The following SLCO1B1 variants were observed in gnomAD, a reference collection of about 807,000 sequenced individuals.
SLCO1B1 encodes the protein solute carrier organic anion transporter family member 1B1.
A neutral mutation model predicts 70.1 loss-of-function variants in SLCO1B1; 81 were observed. The observed-to-expected ratio is 1.16, with a 90% confidence interval of 0.97 to 1.39. The LOEUF (loss-of-function observed/expected upper bound fraction) is 1.39. Ranked by LOEUF, SLCO1B1 falls within the 40% of genes most tolerant of loss-of-function variation. SLCO1B1 has a pLI of 0.00. For synonymous variants in SLCO1B1, 283 were observed against 271.5 expected, an observed-to-expected ratio of 1.04 and a Z score of -0.42; for missense variants, 895 against 799.6, an observed-to-expected ratio of 1.12 and a Z score of -1.44.
Position 21,222,429 on chromosome 12 carries a change from C to T in SLCO1B1, c.1747+65C>T, listed in dbSNP as rs4149077. Reference sequence around the variant, plus strand: ...ATATATATATATATATATATATATACACACACACATACATATATTAAATTT... The same window carrying T: ...ATATATATATATATATATATATATATACACACACATACATATATTAAATTT... On this transcript the variant is annotated intron_variant, in intron 13 of 14. Coordinates refer to ENST00000256958, the MANE Select transcript of SLCO1B1 (RefSeq NM_006446.5). The T allele has an allele frequency of 9.6e-3, 857 of 89,626 alleles. 6 individuals are homozygous for T. Among genetic ancestry groups the T allele is most frequent in the Middle Eastern group, 0.018 (3 of 168 alleles). The allele number at this position is 89,626 out of a possible 1,614,324, so 5.6% of individuals were successfully genotyped here.
rs776100739 is a variant in SLCO1B1, at chr12:21,200,501, T to G, written c.971-7T>G. The G allele has an allele frequency of 1.3e-6, 2 of 1,548,846 alleles. No homozygotes were observed. Among genetic ancestry groups the G allele is most frequent in the Non-Finnish European group, 1.7e-6 (2 of 1,144,696 alleles). On this transcript the variant is annotated splice_polypyrimidine_tract_variant and splice_region_variant and intron_variant, in intron 8 of 14. Transcript: ENST00000256958. The stretch of plus-strand genomic sequence containing the variant: ...CAAATATTTTCTTTATTTTTACAAT[T>G]TTACAGGTTTTTTCCAGTCTTTTAA...
chr12:21,176,546 A>G (rs888711271), intron 4 of SLCO1B1, among the ~76,000 whole-genome samples: 1 of 152,124 alleles, frequency 6.6e-6, no homozygotes, highest in African/African-American at 2.4e-5. Flanking sequence ...TAGCAAGGTG[A>G]TAACCCACTT....
Position 21,143,518 on chromosome 12 carries a change from C to A in SLCO1B1, c.84+1860C>A, listed in dbSNP as rs187770312. On this transcript the variant is annotated intron_variant, in intron 2 of 14. Coordinates refer to ENST00000256958, the MANE Select transcript of SLCO1B1 (RefSeq NM_006446.5). ...TGCCAGACATTGATTTAGTGTTTTA[C>A]TTTTGCTAACAGATTTTTTCCTTAC... Among the ~76,000 whole-genome samples, 5 of 152,092 alleles carry A rather than the reference C, an allele frequency of 3.3e-5. 1 individual carries two copies. The highest frequency in any genetic ancestry group is 2.0e-4 in the Admixed American group (3 of 15,258).
chr12:21,142,893 G>A (rs936454055), intron 2 of SLCO1B1, among the ~76,000 whole-genome samples: 3 of 152,050 alleles, frequency 2.0e-5, no homozygotes, highest in Admixed American at 2.0e-4. Context: ...GGGAGTTAGG[G>A]AATTAGCAGT....
At chr12:21,182,712 A>G (rs1940918170) in intron 7 of SLCO1B1, among the ~76,000 whole-genome samples, 2 of 152,150 alleles carry the variant, frequency 1.3e-5, no homozygotes, top group Non-Finnish European at 1.5e-5. Context: ...GAGGGGCCAG[A>G]CAGTGGAGAC....
intron 2 of SLCO1B1, among the ~76,000 whole-genome samples, chr12:21,146,949 AT>A (rs1202953442): frequency 6.6e-6 from 1 of 152,072 alleles, no homozygotes; most frequent in East Asian, 1.9e-4. Flanking sequence ...TTAATTGATG[AT>A]GTTGTTAAGG....
At chr12:21,195,933 G>A (rs1014289539) in intron 7 of SLCO1B1, among the ~76,000 whole-genome samples, 1 of 152,194 alleles carries the variant, frequency 6.6e-6, no homozygotes, top group African/African-American at 2.4e-5. Context: ...AGCTGGAGAT[G>A]CAGTTTTCTT....
intron 8 of SLCO1B1, among the ~76,000 whole-genome samples, chr12:21,199,088 T>C (rs1941128102): frequency 6.6e-6 from 1 of 152,104 alleles, no homozygotes; most frequent in African/African-American, 2.4e-5. Context: ...ATCTCTTCTT[T>C]TTTTCTTTTC....
chr12:21,194,418 T>G (rs144243619), intron 7 of SLCO1B1, among the ~76,000 whole-genome samples: 3 of 151,938 alleles, frequency 2.0e-5, no homozygotes, highest in African/African-American at 7.2e-5. Flanking sequence ...ATTATTATTA[T>G]TATTAATTTT....
rs375303284 is a variant in SLCO1B1 at position 21,135,270 on chromosome 12, A to G, written c.-62+4034A>G. ...TACTTCCAACTATGTGGTCAATTTC[A>G]GAGTAGGTGTGGTGTGGTGCTGAAA... On this transcript the variant is annotated intron_variant, in intron 1 of 14. Transcript: ENST00000256958. Among the ~76,000 whole-genome samples the G allele has an allele frequency of 2.6e-5, 4 of 152,100 alleles. No homozygotes were observed. In the East Asian group the frequency reaches 5.8e-4, roughly 22 times the overall value.
chr12:21,225,061 T>A (rs1039469488), intron 14 of SLCO1B1, among the ~76,000 whole-genome samples: 3 of 152,120 alleles, frequency 2.0e-5, no homozygotes, highest in Non-Finnish European at 4.4e-5. Context: ...ACGAAGAAAC[T>A]GTGATTCAAG....
At chr12:21,188,979 A>T (rs938032802) in intron 7 of SLCO1B1, among the ~76,000 whole-genome samples, 3 of 152,190 alleles carry the variant, frequency 2.0e-5, no homozygotes, top group Non-Finnish European at 4.4e-5. Context: ...ATTCCATTGT[A>T]TGTCTATACA....
Position 21,239,061 on chromosome 12 carries a change from A to C in SLCO1B1, c.1948A>C (p.Lys650Gln), listed in dbSNP as rs757938356. The change falls in exon 15 of 15, where the codon AAA becomes CAA. Residue 650 changes from lysine (K) to glutamine (Q), a missense_variant. Lys to Gln is a moderately conservative substitution (Grantham distance 53, BLOSUM62 1). Coordinates refer to ENST00000256958, the MANE Select transcript of SLCO1B1 (RefSeq NM_006446.5). ...TATATTAATTTATGCCATGAAGAAA[A>C]AATATCAAGAGAAAGATATCAATGC... Reference protein sequence around the residue: ...YIILIYAMKKKYQEKDINASE... With the variant: ...YIILIYAMKKQYQEKDINASE... 1 of 1,596,200 alleles carries C rather than the reference A, an allele frequency of 6.3e-7. No homozygotes were observed. The highest frequency in any genetic ancestry group is 1.7e-5 in the Admixed American group (1 of 59,882).
Position 21,176,782 on chromosome 12 carries a change from G to T in SLCO1B1, c.366G>T (p.Arg122Ser). ...TTCAGTGATGTTCTTACAGTTACAGGTATTCTAAAGAAACTAATATCAATT... is the reference window on the plus strand; with the variant it reads ...TTCAGTGATGTTCTTACAGTTACAGTTATTCTAAAGAAACTAATATCAATT... Reference protein sequence around the residue: ...ALPHFFMGYYRYSKETNINSS... With the variant: ...ALPHFFMGYYSYSKETNINSS... The change falls in exon 5 of 15, where the codon AGG becomes AGT. Residue 122 changes from arginine (R) to serine (S), a missense_variant. Transcript: ENST00000256958. 6.5e-7 allele frequency: 1 copy of T among 1,531,004 alleles called. No individual in the cohort carries two copies. The allele number at this position is 1,531,004 out of a possible 1,614,324, so 94.8% of individuals were successfully genotyped here. A position where few individuals can be genotyped will look rare whatever the true frequency, so the allele number is the denominator to read the frequency against.
At chr12:21,152,238 T>C (rs1441841375) in intron 2 of SLCO1B1, among the ~76,000 whole-genome samples, 2 of 151,980 alleles carry the variant, frequency 1.3e-5, no homozygotes, top group African/African-American at 4.8e-5. Flanking sequence ...TTTAATGAAA[T>C]TTTTATCTGT....
rs4149098 is a variant in SLCO1B1 at position 21,199,126 on chromosome 12, CCTT to C, written c.971-1381_971-1379del. On this transcript the variant is annotated intron_variant, in intron 8 of 14. Transcript: ENST00000256958. ...TTTCTTTTCTCTAACTCCTTCTACT[CCTT>C]ATTTCAAGCAGATGCAACTGTTTCG... 7.0e-4 allele frequency among the ~76,000 whole-genome samples: 107 copies of C among 152,080 alleles called. 1 individual carries two copies. In the East Asian group the frequency reaches 0.014, roughly 20 times the overall value.
In SLCO1B1 at chr12:21,174,244, T is replaced by C. The variant is rs142285878; in HGVS notation, c.227-333T>C. Among the ~76,000 whole-genome samples, 27 of 152,284 alleles carry C rather than the reference T, an allele frequency of 1.8e-4. No individual in the cohort carries two copies. The East Asian group carries it at 4.0e-3, about 23-fold the overall frequency. Reference sequence around the variant, plus strand: ...TTAGAAATTTAAATAATATTAAGAATAAATAAAGAAACGCATGAAGGAGCA... The same window carrying C: ...TTAGAAATTTAAATAATATTAAGAACAAATAAAGAAACGCATGAAGGAGCA... On this transcript the variant is annotated intron_variant, in intron 3 of 14. Transcript: ENST00000256958.
At chr12:21,135,382 G>A (rs1415093168) in intron 1 of SLCO1B1, among the ~76,000 whole-genome samples, 1 of 151,962 alleles carries the variant, frequency 6.6e-6, no homozygotes, top group African/African-American at 2.4e-5. Flanking sequence ...CAATTCCTGG[G>A]TATCCTTGTT....
intron 11 of SLCO1B1, among the ~76,000 whole-genome samples, chr12:21,208,439 A>G (rs1941239193): frequency 6.6e-6 from 1 of 151,998 alleles, no homozygotes; most frequent in Admixed American, 6.6e-5. Context: ...AGATGGTTTT[A>G]GGTGTGTGGC....
Sources: allele counts gnomAD v4.1 joint callset (sites outside exome capture counted in the v4.1 genomes callset), GRCh38; gene constraint gnomAD v4.1.1; transcripts MANE v1.5; gene names NCBI Gene and HGNC (gene_info 2026-07-23, HGNC 2026-07-21).